The following WNT11 variants were observed in gnomAD, a reference collection of about 807,000 sequenced individuals.
WNT11 encodes the protein Wnt family member 11.
In WNT11, 20 loss-of-function variants were observed where a neutral mutation model predicts 35.6. That is an observed-to-expected ratio of 0.56 (90% CI 0.40 to 0.82). WNT11 has a LOEUF of 0.82. Ranked by LOEUF, WNT11 falls within the 40% of genes least tolerant of loss-of-function variation. The pLI is 0.00. For missense variants in WNT11, 459 were observed against 504.4 expected, an observed-to-expected ratio of 0.91 and a Z score of 0.86; for synonymous variants, 200 against 211.9, an observed-to-expected ratio of 0.94 and a Z score of 0.49.
At chr11:76,197,380 G>A (rs1953305230) in intron 1 of WNT11, among the ~76,000 whole-genome samples, 1 of 152,190 alleles carries the variant, frequency 6.6e-6, no homozygotes, top group Non-Finnish European at 1.5e-5. Flanking sequence ...TTAACTTGTT[G>A]TGTGATCTTA....
chr11:76,205,703 C>T (rs958085932), intron 1 of WNT11, among the ~76,000 whole-genome samples: 1 of 152,188 alleles, frequency 6.6e-6, no homozygotes, highest in Admixed American at 6.5e-5. Flanking sequence ...CGGCACCAAG[C>T]CTCTCTCTCC....
At chr11:76,193,217 C>CCAG in intron 3 of WNT11, among the ~76,000 whole-genome samples, 1 of 152,336 alleles carries the variant, frequency 6.6e-6, no homozygotes, top group East Asian at 1.9e-4. Context: ...GTATTAAACA[C>CCAG]GTTTGTGATC....
intron 1 of WNT11, among the ~76,000 whole-genome samples, chr11:76,199,123 ACT>A (rs1953335050): frequency 6.6e-6 from 1 of 151,948 alleles, no homozygotes. Flanking sequence ...ATAGAACGAG[ACT>A]CTGTCTCAAA....
intron 3 of WNT11, among the ~76,000 whole-genome samples, chr11:76,192,558 T>C (rs1953203220): frequency 6.6e-6 from 1 of 152,384 alleles, no homozygotes; most frequent in African/African-American, 2.4e-5. Flanking sequence ...TGCAGAGAGC[T>C]GTAAGGATGA....
At chr11:76,191,481 C>T in intron 4 of WNT11, 83 bp downstream of exon 4, 1 of 1,484,176 alleles carries the variant, frequency 6.7e-7, no homozygotes, top group Admixed American at 1.8e-5. Flanking sequence ...ACCTGAGTCC[C>T]TGCTGTGTGC....
chr11:76,195,221 C>T (rs1237036132), intron 2 of WNT11: 5 of 275,142 alleles, frequency 1.8e-5, no homozygotes, highest in Non-Finnish European at 3.4e-5. Context: ...CCTGTGTCCC[C>T]CCGAAGGATG....
intron 1 of WNT11, among the ~76,000 whole-genome samples, chr11:76,202,189 C>A (rs1953389930): frequency 6.6e-6 from 1 of 152,190 alleles, no homozygotes; most frequent in Non-Finnish European, 1.5e-5. Flanking sequence ...CAGAATGTAG[C>A]CTGGCAGCTG....
At position 76,187,014 on chromosome 11, in the gene WNT11, G is replaced by T; in HGVS notation, c.*51C>A. 6.2e-7 allele frequency: 1 copy of T among 1,601,730 alleles called. No individual in the cohort carries two copies. ...CTCCAGGCCCCTGGCCCCAGTTGCT[G>T]AGGGTCCTTGAGCAGAGTCCTCGCT... On this transcript the variant is annotated 3_prime_UTR_variant, in exon 5 of 5. Coordinates refer to ENST00000322563, the MANE Select transcript of WNT11 (RefSeq NM_004626.3).
chr11:76,191,239 C>T (rs927815390), intron 4 of WNT11, among the ~76,000 whole-genome samples: 3 of 152,226 alleles, frequency 2.0e-5, no homozygotes, highest in African/African-American at 4.8e-5. Context: ...TGGGCAGCCT[C>T]GTTCCTGTCC....
intron 4 of WNT11, among the ~76,000 whole-genome samples, chr11:76,188,294 G>C (rs544306684): frequency 2.0e-5 from 3 of 152,366 alleles, no homozygotes; most frequent in Admixed American, 1.3e-4. Context: ...GCAAAGGGCA[G>C]AGGCTTAAAC....
upstream of WNT11, among the ~76,000 whole-genome samples, chr11:76,209,856 G>A (rs1953534463): frequency 6.6e-6 from 1 of 151,620 alleles, no homozygotes; most frequent in Non-Finnish European, 1.5e-5. Flanking sequence ...CCGGGCGGTT[G>A]CAGATGTGCC....
chr11:76,188,360 T>C (rs1056934788), intron 4 of WNT11, among the ~76,000 whole-genome samples: 9 of 152,250 alleles, frequency 5.9e-5, no homozygotes, highest in Admixed American at 2.0e-4. Context: ...GGGTGGGGCA[T>C]GGGAGCCAGC....
intron 3 of WNT11, among the ~76,000 whole-genome samples, chr11:76,193,773 G>T (rs929238806): frequency 6.6e-6 from 1 of 152,194 alleles, no homozygotes; most frequent in Non-Finnish European, 1.5e-5. Context: ...GCTAAAGGGT[G>T]CAGGGAGGAG....
Position 76,194,922 on chromosome 11 carries a change from G to A in WNT11, c.320-78C>T, listed in dbSNP as rs1263604561. 2.7e-5 allele frequency: 38 copies of A among 1,422,828 alleles called. No homozygotes were observed. The highest frequency in any genetic ancestry group is 2.9e-5 in the Non-Finnish European group (32 of 1,088,214). The allele number at this position is 1,422,828 out of a possible 1,614,324, so 88.1% of individuals were successfully genotyped here. A position where few individuals can be genotyped will look rare whatever the true frequency, so the allele number is the denominator to read the frequency against. On this transcript the variant is annotated intron_variant, in intron 2 of 4. Coordinates refer to ENST00000322563, the MANE Select transcript of WNT11 (RefSeq NM_004626.3). The surrounding 1 kb of genome is among the most constrained non-coding windows in gnomAD (Gnocchi z 5.4). ...CCCAGGTCAGAGGTCCTCCACCTTCGCCCACACCCTGCTGTAACCAAGGTG... is the reference window on the plus strand; with the variant it reads ...CCCAGGTCAGAGGTCCTCCACCTTCACCCACACCCTGCTGTAACCAAGGTG...
rs1296478145 is a variant in WNT11, at chr11:76,194,690, C to T, written c.474G>A (p.Ala158=). The change falls in exon 3 of 5, where the codon GCG becomes GCA. Residue 158 remains alanine, a synonymous_variant. Coordinates refer to ENST00000322563, the MANE Select transcript of WNT11 (RefSeq NM_004626.3). This position sits in a 1 kb window ranked among gnomAD's most constrained non-coding sequence, Gnocchi z 5.4. ...TGAGGAGCCCGTAGCTGAGGTTGTC[C>T]GCACATCCTCCCCAGCGGTTCCCGG... ...PGPGNRWGGC[A]DNLSYGLLMG... is the part of the protein sequence containing the mutation. 17 of 1,550,592 alleles carry T rather than the reference C, an allele frequency of 1.1e-5. No individual in the cohort carries two copies. The highest frequency in any genetic ancestry group is 9.8e-5 in the East Asian group (4 of 40,908).
At chr11:76,189,136 T>C (rs1953140747) in intron 4 of WNT11, among the ~76,000 whole-genome samples, 1 of 152,266 alleles carries the variant, frequency 6.6e-6, no homozygotes, top group South Asian at 2.1e-4. Context: ...CTGAACCTTT[T>C]TGGGCTTTGT....
chr11:76,196,753 G>GA (rs762144993), intron 1 of WNT11, 35 bp from the exon 2 acceptor site: 158 of 1,545,500 alleles, frequency 1.0e-4, no homozygotes, highest in Non-Finnish European at 1.4e-4. Context: ...CCGATGGAAG[G>GA]AGAGACAGGG....
chr11:76,209,885 C>A (rs1162716822), upstream of WNT11, among the ~76,000 whole-genome samples: 1 of 151,688 alleles, frequency 6.6e-6, no homozygotes, highest in East Asian at 2.0e-4. Flanking sequence ...GGGGACAGGA[C>A]TTTCCTCCTC....
At chr11:76,208,275 T>A (rs1568507), upstream of WNT11, among the ~76,000 whole-genome samples, 50,244 of 152,156 alleles carry the variant, frequency 0.33, 8,544 homozygotes, top group East Asian at 0.55. Flanking sequence ...CTGGAGCCTG[T>A]CGGCAAAACC....
Sources: allele counts gnomAD v4.1 joint callset (sites outside exome capture counted in the v4.1 genomes callset), GRCh38; gene constraint gnomAD v4.1.1; non-coding constraint Gnocchi (gnomAD v3.1); transcripts MANE v1.5; gene names NCBI Gene and HGNC (gene_info 2026-07-23, HGNC 2026-07-21).